Variants in MUC6 observed in about 807,000 individuals in gnomAD.
MUC6 encodes the protein mucin-6.
MUC6 carries 188 observed loss-of-function variants against 201.5 expected under a neutral mutation model. That is an observed-to-expected ratio of 0.93 (90% CI 0.83 to 1.05). The LOEUF (loss-of-function observed/expected upper bound fraction) is 1.05, where lower values mean the gene tolerates loss of function less well. Among genes scored for constraint, MUC6 ranks in the 50% least tolerant of loss-of-function variants. MUC6 has a pLI of 0.00. For missense variants in MUC6, 2,706 were observed against 3,256.9 expected (o/e 0.83, Z 4.12); for synonymous variants, 1,228 against 1,389.4 (o/e 0.88, Z 2.58).
At chr11:1,036,360 A>G (rs1031447498) in intron 1 of MUC6, among the ~76,000 whole-genome samples, 29 of 152,076 alleles carry the variant, frequency 1.9e-4, no homozygotes, top group African/African-American at 6.5e-4. Context: ...GCCAGCTCAC[A>G]GGAGGGCGTC....
Position 1,031,959 on chromosome 11 carries a change from G to A in MUC6, c.210C>T (p.Ile70=), listed in dbSNP as rs998607636. 1 of 1,613,628 alleles carries A rather than the reference G, an allele frequency of 6.2e-7. No individual in the cohort carries two copies. The highest frequency in any genetic ancestry group is 8.5e-7 in the Non-Finnish European group (1 of 1,179,890). ...VYDFSGTCNY[I]FAATCKDAFP... is the part of the protein sequence containing the mutation. ...AGGCGTCCTTGCAGGTGGCCGCGAA[G>A]ATGTAGTTGCACGTCCCCGAGAAGT... Residue 70 remains isoleucine (I), a synonymous_variant, in exon 3 of 33, where the codon ATC becomes ATT. Transcript: ENST00000421673.
At chr11:1,036,068 G>A (rs1039709593) in intron 1 of MUC6, among the ~76,000 whole-genome samples, 4 of 152,118 alleles carry the variant, frequency 2.6e-5, no homozygotes, top group Non-Finnish European at 5.9e-5. Flanking sequence ...GGCTGCCTGC[G>A]GCGGTTCTGA....
In MUC6 at chr11:1,033,001, C is replaced by T. The variant is rs747750096; in HGVS notation, c.115+12G>A. On this transcript the variant is annotated intron_variant, in intron 2 of 32. Transcript: ENST00000421673. This position sits in a 1 kb window ranked among gnomAD's most constrained non-coding sequence, Gnocchi z 5.6. ...GTCTGGGCGGCAGGATCAGTGGCCGCTGTGTTCTTACCTGTCTGTGGAGAG... is the reference window on the plus strand; with the variant it reads ...GTCTGGGCGGCAGGATCAGTGGCCGTTGTGTTCTTACCTGTCTGTGGAGAG... 10 of 1,577,262 alleles carry T rather than the reference C, an allele frequency of 6.3e-6. No individual in the cohort carries two copies. Among genetic ancestry groups the T allele is most frequent in the Admixed American group, 1.7e-5 (1 of 58,122 alleles).
chr11:1,027,098 G>A (rs775644227), intron 18 of MUC6, 43 bp downstream of exon 18: 3 of 1,610,544 alleles, frequency 1.9e-6, no homozygotes, highest in African/African-American at 1.3e-5. Flanking sequence ...GGAAGCCGGG[G>A]CCCCTCACAG....
In MUC6 at chr11:1,021,067, G is replaced by A. The variant is rs1856794392; in HGVS notation, c.3589+148C>T. The stretch of plus-strand genomic sequence containing the variant: ...CTGCCTGAGTCTCTGGAGACCCAAG[G>A]GGCCAGGGTCCTGGAGAGTGGAGTC... On this transcript the variant is annotated intron_variant, in intron 27 of 32. Transcript: ENST00000421673. 5.0e-5 allele frequency: 41 copies of A among 824,006 alleles called. No individual in the cohort carries two copies. In the South Asian group the frequency reaches 8.1e-4, roughly 16 times the overall value. 51.0% of individuals were successfully genotyped at this position (824,006 alleles called of 1,614,324 possible).
chr11:1,032,285 TTG>T (rs919821030), intron 2 of MUC6, among the ~76,000 whole-genome samples: 10 of 152,040 alleles, frequency 6.6e-5, no homozygotes, highest in Admixed American at 1.3e-4. Flanking sequence ...CGTATGTGTG[TTG>T]TGTGTGTGCA....
chr11:1,020,768 T>C (rs756881721), intron 27 of MUC6, 34 bp from the exon 28 acceptor site: 1 of 1,608,480 alleles, frequency 6.2e-7, no homozygotes, highest in Admixed American at 1.7e-5. Flanking sequence ...CCTGTGGTTC[T>C]CTAAGCCTCC....
chr11:1,032,965 G>C (rs375762101), intron 2 of MUC6, 48 bp downstream of exon 2: 55 of 1,528,708 alleles, frequency 3.6e-5, no homozygotes, highest in Non-Finnish European at 4.8e-5. Context: ...CCTGCACACC[G>C]GGCCTGGGTG....
rs749667179 is a variant in MUC6, at chr11:1,027,754, C to T, written c.1912G>A (p.Asp638Asn). ...CGCAAGGAGCAGGCGTGTACGTAGT[C>T]GCCCAGGGCGGCACAGATGTGGGGA... ...TFPHICAALG[D>N]YVHACSLRGV... The change falls in exon 16 of 33, where the codon GAC becomes AAC. Residue 638 changes from aspartate (D) to asparagine (N), a missense_variant. This residue lies in a region of MUC6 where 1,850 missense variants were observed against 1,958.3 expected (regional missense o/e 0.94). Coordinates refer to ENST00000421673, the MANE Select transcript of MUC6 (RefSeq NM_005961.3). 2.7e-5 allele frequency: 44 copies of T among 1,609,964 alleles called. No individual in the cohort carries two copies. Among genetic ancestry groups the T allele is most frequent in the African/African-American group, 5.3e-5 (4 of 74,880 alleles).
chr11:1,029,103 C>G lies in MUC6; in HGVS notation c.1323G>C (p.Lys441Asn). 6.2e-7 allele frequency: 1 copy of G among 1,612,752 alleles called. No individual in the cohort carries two copies. The highest frequency in any genetic ancestry group is 8.5e-7 in the Non-Finnish European group (1 of 1,179,804). The change falls in exon 11 of 33, where the codon AAG becomes AAC. Residue 441 changes from lysine to asparagine, a missense_variant. Coordinates refer to ENST00000421673, the MANE Select transcript of MUC6 (RefSeq NM_005961.3). ...EDGALMAVYD[K>N]SGVSHSETSL... ...AGGTCTCGGAGTGTGAGACGCCGGA[C>G]TTGTCGTACACAGCCATGAGGGCAC...
chr11:1,030,426 T>C, intron 7 of MUC6, 91 bp from the exon 8 acceptor site: 2 of 1,135,664 alleles, frequency 1.8e-6, no homozygotes, highest in Non-Finnish European at 2.2e-6. Context: ...AGCCCAGCCC[T>C]TCCTCCATCT....
chr11:1,023,261 AGT>A (rs200089959), intron 26 of MUC6, among the ~76,000 whole-genome samples: 3,430 of 151,988 alleles, frequency 0.023, 128 homozygotes, highest in African/African-American at 0.075. Context: ...AATGTGCATG[AGT>A]GTGTGTGAGT....
At position 1,016,489 on chromosome 11, in the gene MUC6, T is replaced by G; in HGVS notation, c.6312A>C (p.Ser2104=). 6.2e-7 allele frequency: 1 copy of G among 1,610,038 alleles called. No homozygotes were observed. The highest frequency in any genetic ancestry group is 8.5e-7 in the Non-Finnish European group (1 of 1,178,860). The part of the protein sequence containing the change: ...LPQNSSSRPP[S]SPITTQLPHL... The stretch of plus-strand genomic sequence containing the variant: ...GGGGGAGTTGTGTGGTGATAGGTGA[T>G]GACGGTGGCCTTGAGCTAGAGTTCT... Residue 2104 remains serine, a synonymous_variant, in exon 31 of 33, where the codon TCA becomes TCC. Coordinates refer to ENST00000421673, the MANE Select transcript of MUC6 (RefSeq NM_005961.3).
chr11:1,035,725 G>T (rs779118800), intron 1 of MUC6, among the ~76,000 whole-genome samples: 2 of 152,142 alleles, frequency 1.3e-5, no homozygotes, highest in African/African-American at 4.8e-5. Context: ...AGGCGCCCAG[G>T]TTGGCAGCAG....
intron 1 of MUC6, among the ~76,000 whole-genome samples, chr11:1,035,782 C>T (rs1437215064): frequency 6.6e-6 from 1 of 152,162 alleles, no homozygotes; most frequent in Non-Finnish European, 1.5e-5. Flanking sequence ...CAGGGGGCTC[C>T]CGGCTGTGGA....
In MUC6 at chr11:1,027,333, C is replaced by T. The variant is rs200162176; in HGVS notation, c.2166G>A (p.Pro722=). 266 of 1,612,864 alleles carry T rather than the reference C, an allele frequency of 1.6e-4. 1 individual carries two copies. The highest frequency in any genetic ancestry group is 2.1e-4 in the Non-Finnish European group (243 of 1,179,858). ...TGAACTTGTAACCCTCCAGTATGCACGGGCACTGGGCCTTGCGCACACACT... is the reference window on the plus strand; with the variant it reads ...TGAACTTGTAACCCTCCAGTATGCATGGGCACTGGGCCTTGCGCACACACT... The part of the protein sequence containing the change: ...KGECVRKAQC[P]CILEGYKFIL... Residue 722 remains proline, a synonymous_variant, in exon 17 of 33, where the codon CCG becomes CCA. Coordinates refer to ENST00000421673, the MANE Select transcript of MUC6 (RefSeq NM_005961.3).
chr11:1,023,002 GTGAA>G (rs1277177871), intron 26 of MUC6, among the ~76,000 whole-genome samples: 4 of 151,874 alleles, frequency 2.6e-5, no homozygotes, highest in Non-Finnish European at 4.4e-5. Flanking sequence ...GAGTAAATGT[GTGAA>G]TGAGCATGAA....
At chr11:1,024,793 A>G (rs1564840026) in intron 24 of MUC6, 51 bp downstream of exon 24, 1 of 1,505,246 alleles carries the variant, frequency 6.6e-7, no homozygotes, top group South Asian at 1.1e-5. Flanking sequence ...CCCCGCCCCC[A>G]CCGGACATTT....
chr11:1,020,627 G>T, intron 28 of MUC6, 57 bp downstream of exon 28: 1 of 1,607,816 alleles, frequency 6.2e-7, no homozygotes, highest in Non-Finnish European at 8.5e-7. Context: ...CCAGGGAACC[G>T]AGGGGAGCCC....
Sources: allele counts gnomAD v4.1 joint callset (sites outside exome capture counted in the v4.1 genomes callset), GRCh38; gene constraint gnomAD v4.1.1; regional missense constraint gnomAD v4.1.1; non-coding constraint Gnocchi (gnomAD v3.1); transcripts MANE v1.5; gene names NCBI Gene and HGNC (gene_info 2026-07-23, HGNC 2026-07-21).